The following FRMD6 variants were observed in gnomAD, a reference collection of about 807,000 sequenced individuals.
FRMD6 encodes the protein FERM domain containing 6.
In FRMD6, 37 loss-of-function variants were observed where a neutral mutation model predicts 73.2. That is an observed-to-expected ratio of 0.51 (90% CI 0.39 to 0.66). The LOEUF (loss-of-function observed/expected upper bound fraction) is 0.66. Among genes scored for constraint, FRMD6 ranks in the 30% least tolerant of loss-of-function variants. The pLI, the probability that FRMD6 is intolerant of heterozygous loss-of-function variation, is 0.00. For missense variants in FRMD6, 714 were observed against 780.5 expected (o/e 0.91, Z 1.02); for synonymous variants, 273 against 282.2 (o/e 0.97, Z 0.33).
At chr14:51,707,312 T>C (rs902045895) in intron 6 of FRMD6, among the ~76,000 whole-genome samples, 1 of 152,146 alleles carries the variant, frequency 6.6e-6, no homozygotes. Context: ...AAAAAGTCTG[T>C]AATTTTTAAA....
intron 1 of FRMD6, among the ~76,000 whole-genome samples, chr14:51,548,385 T>C (rs1419256336): frequency 1.3e-5 from 2 of 152,232 alleles, no homozygotes; most frequent in Non-Finnish European, 2.9e-5. Context: ...TTAGGTACCC[T>C]GTGGCTTGTA....
chr14:51,433,328 G>T, the FRMD6 span, among the ~76,000 whole-genome samples: 2 of 152,196 alleles, frequency 1.3e-5, no homozygotes, highest in African/African-American at 4.8e-5. Context: ...TAAAACCATG[G>T]TTCATTTATA....
the FRMD6 span, among the ~76,000 whole-genome samples, chr14:51,428,405 C>T: frequency 0.59 from 89,576 of 151,984 alleles, 26,569 homozygotes; most frequent in East Asian, 0.67. Context: ...ACTTGAGTGT[C>T]TACTGCAATG....
intron 1 of FRMD6, among the ~76,000 whole-genome samples, chr14:51,654,355 A>G (rs1437881068): frequency 6.6e-6 from 1 of 151,126 alleles, no homozygotes; most frequent in Non-Finnish European, 1.5e-5. Flanking sequence ...ACATTTAACT[A>G]TACTTATAAA....
At chr14:51,529,834 G>A (rs1414188499) in intron 1 of FRMD6, among the ~76,000 whole-genome samples, 1 of 152,200 alleles carries the variant, frequency 6.6e-6, no homozygotes, top group African/African-American at 2.4e-5. Flanking sequence ...AGTTAGCTAT[G>A]GATGAAAGAA....
chr14:51,512,819 G>A (rs1482289950), intron 1 of FRMD6, among the ~76,000 whole-genome samples: 3 of 152,150 alleles, frequency 2.0e-5, no homozygotes, highest in Non-Finnish European at 4.4e-5. Context: ...GCTCAGTGGT[G>A]AGGCAACTGT....
chr14:51,540,028 A>G (rs1886118055), intron 1 of FRMD6, among the ~76,000 whole-genome samples: 1 of 152,232 alleles, frequency 6.6e-6, no homozygotes, highest in South Asian at 2.1e-4. Context: ...AATGCTTTAG[A>G]GCCTTCCAAC....
chr14:51,421,165 A>G, the FRMD6 span, among the ~76,000 whole-genome samples: 18 of 152,314 alleles, frequency 1.2e-4, no homozygotes, highest in African/African-American at 4.3e-4. Flanking sequence ...GGACAACTGT[A>G]CTGTATGTGT....
In FRMD6 at chr14:51,689,730, T is replaced by C. The variant is rs1594738200; in HGVS notation, c.-107T>C. 1.4e-6 allele frequency: 1 copy of C among 740,280 alleles called. No homozygotes were observed. Among genetic ancestry groups the C allele is most frequent in the East Asian group, 2.5e-5 (1 of 40,014 alleles). 45.9% of individuals were successfully genotyped at this position (740,280 alleles called of 1,614,324 possible). A position where few individuals can be genotyped will look rare whatever the true frequency, so the allele number is the denominator to read the frequency against. ...TAGTCGAACACCGTGATGCTTCTCCTGCAGGGCGTGTGATGAGGAGGCGAG... is the reference window on the plus strand; with the variant it reads ...TAGTCGAACACCGTGATGCTTCTCCCGCAGGGCGTGTGATGAGGAGGCGAG... On this transcript the variant is annotated 5_prime_UTR_variant, in exon 2 of 14. Coordinates refer to ENST00000344768, the MANE Select transcript of FRMD6 (RefSeq NM_001267046.2).
the FRMD6 span, among the ~76,000 whole-genome samples, chr14:51,427,281 A>T: frequency 6.6e-6 from 1 of 152,178 alleles, no homozygotes; most frequent in Non-Finnish European, 1.5e-5. Flanking sequence ...GTTGTCTGCC[A>T]TGCATGCAGG....
intron 1 of FRMD6, among the ~76,000 whole-genome samples, chr14:51,494,818 T>C (rs1883203110): frequency 6.6e-6 from 1 of 152,190 alleles, no homozygotes; most frequent in South Asian, 2.1e-4. Context: ...CATTCTTCCA[T>C]TGTCTTGGAC....
chr14:51,540,512 A>G (rs538299448), intron 1 of FRMD6, among the ~76,000 whole-genome samples: 4 of 152,222 alleles, frequency 2.6e-5, no homozygotes, highest in Admixed American at 2.0e-4. Context: ...ATTGGCTACC[A>G]CAATGCCTGG....
rs1887174168 is a variant in FRMD6 at position 51,557,066 on chromosome 14, G to T, written c.-209-13282G>T. The stretch of plus-strand genomic sequence containing the variant: ...ATTCTGAGGCTGAGCGGGGAGGATT[G>T]CTTGAGCCCTAGAATGTGAGTTTAG... On this transcript the variant is annotated intron_variant, in intron 1 of 14. Coordinates refer to the FRMD6 transcript ENST00000356218. Among the ~76,000 whole-genome samples the T allele has an allele frequency of 2.0e-5, 3 of 152,192 alleles. No homozygotes were observed. The South Asian group carries it at 6.2e-4, about 32-fold the overall frequency.
chr14:51,668,231 G>A (rs987278219), intron 1 of FRMD6, among the ~76,000 whole-genome samples: 4 of 152,190 alleles, frequency 2.6e-5, no homozygotes, highest in African/African-American at 7.2e-5. Flanking sequence ...GGATATGAAA[G>A]TAAAGGTGTT....
upstream of FRMD6, among the ~76,000 whole-genome samples, chr14:51,649,359 T>A (rs938049415): frequency 6.6e-6 from 1 of 152,146 alleles, no homozygotes; most frequent in Non-Finnish European, 1.5e-5. Context: ...ACAAGCCCAC[T>A]CTTAAACACA....
chr14:51,471,492 C>T, the FRMD6 span, among the ~76,000 whole-genome samples: 1 of 145,184 alleles, frequency 6.9e-6, no homozygotes, highest in South Asian at 2.2e-4. Context: ...CAGAGCCAGA[C>T]TCCGTCTCGA....
chr14:51,638,578 T>G (rs754360246), intron 2 of FRMD6, among the ~76,000 whole-genome samples: 49 of 152,196 alleles, frequency 3.2e-4, no homozygotes, highest in Non-Finnish European at 4.4e-4. Flanking sequence ...TCCAGGGGAC[T>G]GTCAGTCAGC....
At position 51,727,752 on chromosome 14, in the gene FRMD6, G is replaced by A; in HGVS notation, c.1592G>A (p.Cys531Tyr). Residue 531 changes from cysteine (C) to tyrosine (Y), a missense_variant, in exon 14 of 14, where the codon TGT (cysteine) becomes TAT (tyrosine). Coordinates refer to ENST00000344768, the MANE Select transcript of FRMD6 (RefSeq NM_001267046.2). ...QSTDSLPQTI[C>Y]RKPKTSTDRH... ...CCTTCCCTTATCTTGCAGACTATAT[G>A]TCGGAAACCAAAGACCTCCACTGAT... is the stretch of plus-strand genomic sequence containing the variant. 6.3e-7 allele frequency: 1 copy of A among 1,597,686 alleles called. No individual in the cohort carries two copies. Among genetic ancestry groups the A allele is most frequent in the Non-Finnish European group, 8.6e-7 (1 of 1,166,542 alleles).
the FRMD6 span, among the ~76,000 whole-genome samples, chr14:51,469,251 T>C: frequency 1.3e-4 from 19 of 151,470 alleles, no homozygotes; most frequent in Admixed American, 1.1e-3. Context: ...CATTTGTTTT[T>C]TGTTTTTTAT....
Sources: allele counts gnomAD v4.1 joint callset (sites outside exome capture counted in the v4.1 genomes callset), GRCh38; gene constraint gnomAD v4.1.1; transcripts MANE v1.5; gene names NCBI Gene and HGNC (gene_info 2026-07-23, HGNC 2026-07-21).